Variants in RAB9B observed in about 807,000 individuals in gnomAD.
RAB9B encodes the protein ras-related protein Rab-9B.
RAB9B carries 1 observed loss-of-function variant against 8.9 expected under a neutral mutation model. The observed-to-expected ratio is 0.11, with a 90% confidence interval of 0.04 to 0.53. The LOEUF (loss-of-function observed/expected upper bound fraction) is 0.53. Among genes scored for constraint, RAB9B ranks in the 20% least tolerant of loss-of-function variants. The probability of loss-of-function intolerance (pLI) is 0.93; values close to 1 mark genes in which losing one functional copy is unlikely to be tolerated. For synonymous variants in RAB9B, 63 were observed against 57.0 expected (o/e 1.10, Z -0.47); for missense variants, 82 against 152.9 (o/e 0.54, Z 2.45).
chrX:103,790,743 C>T, the RAB9B span: 5 of 537,554 alleles, frequency 9.3e-6, no homozygotes, highest in Admixed American at 2.5e-5. Flanking sequence ...GAGAGTCTTG[C>T]AGTGATTAAG....
chrX:103,783,742 T>C, the RAB9B span, among the ~76,000 whole-genome samples: 2 of 111,772 alleles, frequency 1.8e-5, no homozygotes, highest in Non-Finnish European at 1.9e-5. Flanking sequence ...TGGTACCCTA[T>C]AGAAAAGTGA....
chrX:103,793,870 A>T, the RAB9B span, among the ~76,000 whole-genome samples: 1 of 112,501 alleles, frequency 8.9e-6, no homozygotes, highest in South Asian at 3.7e-4. Context: ...AGTATAAACA[A>T]GAAACATTTT....
the RAB9B span, chrX:103,781,191 G>A: frequency 3.8e-6 from 1 of 260,286 alleles, no homozygotes; most frequent in Non-Finnish European, 7.7e-6. Context: ...CATGGAGCTG[G>A]TCCTTGAGGC....
chrX:103,798,645 T>A, the RAB9B span, among the ~76,000 whole-genome samples: 1 of 97,199 alleles, frequency 1.0e-5, no homozygotes, highest in African/African-American at 3.9e-5. Flanking sequence ...CAAACTACAA[T>A]TTTTTTTTTT....
At chrX:103,808,923 C>T in the RAB9B span, among the ~76,000 whole-genome samples, 116 of 113,309 alleles carry the variant, frequency 1.0e-3, 1 homozygote, top group Middle Eastern at 4.6e-3. Context: ...AGACTAGGAC[C>T]CATGAAGAAG....
chrX:103,790,719 G>T, the RAB9B span: 1 of 576,176 alleles, frequency 1.7e-6, no homozygotes, highest in Non-Finnish European at 3.1e-6. Context: ...TACTTGATGA[G>T]TGTAACAAGA....
At chrX:103,787,217 G>T in the RAB9B span, among the ~76,000 whole-genome samples, 1 of 111,571 alleles carries the variant, frequency 9.0e-6, no homozygotes, top group Non-Finnish European at 1.9e-5. Context: ...GAGTAGATCT[G>T]CATGTTGAAT....
chrX:103,826,522 T>C (rs2074684034), intron 2 of RAB9B, among the ~76,000 whole-genome samples: 1 of 112,015 alleles, frequency 8.9e-6, no homozygotes, highest in Non-Finnish European at 1.9e-5. Flanking sequence ...AGCTTATTAG[T>C]TTTTGGATTC....
chrX:103,807,073 G>A, the RAB9B span, among the ~76,000 whole-genome samples: 15 of 111,933 alleles, frequency 1.3e-4, no homozygotes, highest in Non-Finnish European at 2.8e-4. Flanking sequence ...ATTCCATGCT[G>A]GTGGGAAGAG....
At chrX:103,810,842 C>G in the RAB9B span, among the ~76,000 whole-genome samples, 1 of 112,191 alleles carries the variant, frequency 8.9e-6, no homozygotes, top group Non-Finnish European at 1.9e-5. Context: ...CTTCATACCT[C>G]AAACAGTACC....
At chrX:103,814,332 T>C in the RAB9B span, among the ~76,000 whole-genome samples, 1 of 111,941 alleles carries the variant, frequency 8.9e-6, no homozygotes, top group African/African-American at 3.2e-5. Flanking sequence ...TGCTCCTGAA[T>C]GACTACTGGG....
downstream of RAB9B, among the ~76,000 whole-genome samples, chrX:103,821,472 T>G (rs188220034): frequency 6.3e-5 from 7 of 111,141 alleles, no homozygotes; most frequent in African/African-American, 2.3e-4. Flanking sequence ...GCAGATGGAA[T>G]CAATGTAATG....
chrX:103,776,894 C>T, the RAB9B span: 136 of 794,071 alleles, frequency 1.7e-4, 1 homozygote, highest in Middle Eastern at 9.6e-3. Flanking sequence ...AGTAAAAGAC[C>T]GAAGAAGGAG....
intron 1 of RAB9B, among the ~76,000 whole-genome samples, chrX:103,831,223 ATGTT>A (rs1299255032): frequency 1.8e-5 from 2 of 110,271 alleles, no homozygotes; most frequent in African/African-American, 6.6e-5. Context: ...AAATGATTGA[ATGTT>A]TGAGTGTGTT....
chrX:103,827,170 A>T (rs1023223265), intron 1 of RAB9B, 92 bp from the exon 2 acceptor site: 1 of 110,493 alleles, frequency 9.1e-6, no homozygotes, highest in African/African-American at 3.3e-5. Flanking sequence ...GTCAGAAAAA[A>T]AAAAAGAACC....
At chrX:103,784,294 G>A in the RAB9B span, among the ~76,000 whole-genome samples, 1 of 111,563 alleles carries the variant, frequency 9.0e-6, no homozygotes, top group Non-Finnish European at 1.9e-5. Context: ...TTCCTCTAGT[G>A]CCAGAAAGAT....
At chrX:103,802,220 CAGAG>C in the RAB9B span, among the ~76,000 whole-genome samples, 2 of 85,279 alleles carry the variant, frequency 2.3e-5, no homozygotes, top group Non-Finnish European at 4.5e-5. Flanking sequence ...GAGAGAGAGA[CAGAG>C]AGAGAGAGAG....
At chrX:103,789,860 AG>A in the RAB9B span, among the ~76,000 whole-genome samples, 1 of 111,632 alleles carries the variant, frequency 9.0e-6, no homozygotes, top group Non-Finnish European at 1.9e-5. Context: ...AAATACTGGG[AG>A]GACCTCCTAA....
downstream of RAB9B, among the ~76,000 whole-genome samples, chrX:103,820,359 T>A (rs1183150848): frequency 9.0e-6 from 1 of 111,598 alleles, no homozygotes; most frequent in East Asian, 2.8e-4. Context: ...GGAAAAAAAA[T>A]TGCTGCAAGA....
Sources: allele counts gnomAD v4.1 joint callset (sites outside exome capture counted in the v4.1 genomes callset), GRCh38; gene constraint gnomAD v4.1.1; transcripts MANE v1.5; gene names NCBI Gene and HGNC (gene_info 2026-07-23, HGNC 2026-07-21).